CACNA2D3: variants seen among roughly 807,000 people sequenced by gnomAD.
The protein encoded by CACNA2D3 is voltage-dependent calcium channel subunit alpha-2/delta-3.
A neutral mutation model predicts 160.6 loss-of-function variants in CACNA2D3; 60 were observed. The observed-to-expected ratio is 0.37, with a 90% CI of 0.30 to 0.46. The LOEUF (loss-of-function observed/expected upper bound fraction) is 0.46. CACNA2D3 is among the 20% of genes least tolerant of loss of function. The pLI is 1.00. For synonymous variants in CACNA2D3, 558 were observed against 492.9 expected (o/e 1.13, Z -1.75); for missense variants, 1,205 against 1,365.0 (o/e 0.88, Z 1.85).
At chr3:54,927,074 T>C (rs1194846631) in intron 27 of CACNA2D3, among the ~76,000 whole-genome samples, 3 of 152,200 alleles carry the variant, frequency 2.0e-5, no homozygotes, top group Non-Finnish European at 4.4e-5. Flanking sequence ...AAACTCAAAA[T>C]AGTTATCTAC....
chr3:54,263,502 G>A (rs1453139282), intron 2 of CACNA2D3, among the ~76,000 whole-genome samples: 1 of 152,080 alleles, frequency 6.6e-6, no homozygotes, highest in Non-Finnish European at 1.5e-5. Context: ...CAGTGAGGAA[G>A]TGATGCCAAG....
At chr3:54,303,820 T>TTTTTGTTTTTTG (rs1262583971) in intron 2 of CACNA2D3, among the ~76,000 whole-genome samples, 3 of 55,570 alleles carry the variant, frequency 5.4e-5, no homozygotes, top group Non-Finnish European at 1.3e-4. Context: ...TTTTTTCTGT[T>TTTTTGTTTTTTG]TTTTTTTTTT....
At chr3:54,655,191 A>T (rs1174082630) in intron 11 of CACNA2D3, among the ~76,000 whole-genome samples, 11 of 152,122 alleles carry the variant, frequency 7.2e-5, no homozygotes. Flanking sequence ...TTTCTCTTGG[A>T]CTATTGAGTA....
intron 2 of CACNA2D3, among the ~76,000 whole-genome samples, chr3:54,245,214 ATT>A (rs1178674645): frequency 2.7e-4 from 41 of 149,184 alleles, no homozygotes; most frequent in African/African-American, 7.9e-4. Flanking sequence ...CAGTCTTTTT[ATT>A]TTTTTTTTAA....
At chr3:54,852,521 C>T (rs1207060332) in intron 17 of CACNA2D3, among the ~76,000 whole-genome samples, 1 of 152,224 alleles carries the variant, frequency 6.6e-6, no homozygotes, top group Non-Finnish European at 1.5e-5. Context: ...GCTGTTTCCA[C>T]CACCAGCTCT....
chr3:54,802,864 T>A (rs1703025920), intron 13 of CACNA2D3, among the ~76,000 whole-genome samples: 1 of 152,042 alleles, frequency 6.6e-6, no homozygotes, highest in Non-Finnish European at 1.5e-5. Flanking sequence ...AGACAAAACT[T>A]CCAGAGGAAC....
At chr3:54,165,173 T>G (rs932759158) in intron 2 of CACNA2D3, among the ~76,000 whole-genome samples, 1 of 150,614 alleles carries the variant, frequency 6.6e-6, no homozygotes, top group African/African-American at 2.5e-5. Context: ...TCTTTTTTGA[T>G]GGGGACTTGA....
chr3:54,995,972 T>G (rs1702848279), intron 31 of CACNA2D3, among the ~76,000 whole-genome samples: 1 of 152,212 alleles, frequency 6.6e-6, no homozygotes, highest in South Asian at 2.1e-4. Flanking sequence ...CATAGCCACC[T>G]TCTAACCACC....
At chr3:54,914,007 T>A (rs1284510970) in intron 27 of CACNA2D3, among the ~76,000 whole-genome samples, 2 of 152,186 alleles carry the variant, frequency 1.3e-5, no homozygotes. Context: ...ATACTTAGTA[T>A]AATAATGTCA....
chr3:54,783,741 T>A (rs541678809), intron 13 of CACNA2D3, among the ~76,000 whole-genome samples: 1 of 152,324 alleles, frequency 6.6e-6, no homozygotes, highest in Non-Finnish European at 1.5e-5. Context: ...AACATGTATC[T>A]CTTACATGGA....
intron 11 of CACNA2D3, among the ~76,000 whole-genome samples, chr3:54,666,871 A>G (rs1010882093): frequency 6.6e-6 from 1 of 152,172 alleles, no homozygotes; most frequent in Non-Finnish European, 1.5e-5. Context: ...TGTGCTATCA[A>G]ATTCCTCTGT....
chr3:54,681,963 G>A (rs1700359284), intron 11 of CACNA2D3, among the ~76,000 whole-genome samples: 5 of 152,082 alleles, frequency 3.3e-5, no homozygotes, highest in African/African-American at 9.7e-5. Flanking sequence ...GATTACAGGC[G>A]TTGAGTCACC....
intron 13 of CACNA2D3, among the ~76,000 whole-genome samples, chr3:54,804,282 C>T (rs1703063096): frequency 1.3e-5 from 2 of 151,790 alleles, no homozygotes; most frequent in African/African-American, 4.8e-5. Flanking sequence ...AGAGTCAAGA[C>T]CCATCAGTGT....
At chr3:54,960,348 C>G (rs914030254) in intron 27 of CACNA2D3, among the ~76,000 whole-genome samples, 1 of 152,162 alleles carries the variant, frequency 6.6e-6, no homozygotes, top group African/African-American at 2.4e-5. Flanking sequence ...TACCAACCCC[C>G]CATACCACAG....
chr3:54,752,836 T>TG (rs1553827596), intron 12 of CACNA2D3, among the ~76,000 whole-genome samples, 159 bp downstream of exon 12: 1 of 89,724 alleles, frequency 1.1e-5, no homozygotes, highest in Non-Finnish European at 2.9e-5. Flanking sequence ...TTCCAAATTA[T>TG]GTTTTTTTTT....
chr3:54,959,312 G>T (rs1429604848), intron 27 of CACNA2D3, among the ~76,000 whole-genome samples: 2 of 152,162 alleles, frequency 1.3e-5, no homozygotes, highest in South Asian at 2.1e-4. Flanking sequence ...CTCCACAGGG[G>T]ACTCAGGTCC....
intron 31 of CACNA2D3, 80 bp from the exon 32 acceptor site, chr3:55,004,683 G>T: frequency 1.1e-6 from 1 of 891,230 alleles, no homozygotes; most frequent in South Asian, 1.4e-5. Context: ...GATAGTGACT[G>T]CTCACCTTGT....
intron 14 of CACNA2D3, 29 bp downstream of exon 14, chr3:54,816,899 AC>A: frequency 6.2e-7 from 1 of 1,612,550 alleles, no homozygotes. Context: ...CATTCCAGTC[AC>A]CCCCAGAACT....
In CACNA2D3 at chr3:54,386,694, G is replaced by GTTTTT. The variant is rs62967361; in HGVS notation, c.322-7_322-3dup. 3,721 of 1,404,780 alleles carry GTTTTT rather than the reference G, an allele frequency of 2.6e-3. 9 individuals carry two copies. Among genetic ancestry groups the GTTTTT allele is most frequent in the South Asian group, 4.7e-3 (325 of 69,288 alleles). The allele number at this position is 1,404,780 out of a possible 1,614,324, so 87.0% of individuals were successfully genotyped here. ...ATTCTGATCCTTAATGCTGTCTTCTGTTTTTTTTTTTTTTTTTTAGCGTCT... is the reference window on the plus strand; with the variant it reads ...ATTCTGATCCTTAATGCTGTCTTCTGTTTTTTTTTTTTTTTTTTTTTTTAGCGTCT... On this transcript the variant is annotated intron_variant, in intron 3 of 37. Transcript: ENST00000474759.
Sources: allele counts gnomAD v4.1 joint callset (sites outside exome capture counted in the v4.1 genomes callset), GRCh38; gene constraint gnomAD v4.1.1; transcripts MANE v1.5; gene names NCBI Gene and HGNC (gene_info 2026-07-23, HGNC 2026-07-21).